Variants in C3orf62 observed in about 807,000 individuals in gnomAD.
The protein encoded by C3orf62 is chromosome 3 open reading frame 62.
Under a neutral mutation model 21.7 loss-of-function variants are expected in C3orf62, and 16 were observed. That is an observed-to-expected ratio of 0.74 (90% CI 0.50 to 1.12). The LOEUF is 1.12. Among genes scored for constraint, C3orf62 ranks in the 50% most tolerant of loss-of-function variants. C3orf62 has a pLI of 0.00. For missense variants in C3orf62, 310 were observed against 318.8 expected (o/e 0.97, Z 0.21); for synonymous variants, 114 against 117.0 (o/e 0.97, Z 0.17).
rs1324932007 is a variant in C3orf62, at chr3:49,274,235, G to A, written c.447-95C>T. The A allele has an allele frequency of 2.2e-5, 20 of 919,892 alleles. No individual in the cohort carries two copies. The East Asian group carries it at 5.1e-4, about 23-fold the overall frequency. The allele number at this position is 919,892 out of a possible 1,614,324, so 57.0% of individuals were successfully genotyped here. ...AAACTCAGTTTTAGATAATCTCAAA[G>A]ACAAAAACTTACTGGTGACCTTGTC... On this transcript the variant is annotated intron_variant, in intron 1 of 2. Coordinates refer to ENST00000343010, the MANE Select transcript of C3orf62 (RefSeq NM_198562.3).
At position 49,276,843 on chromosome 3, in the gene C3orf62, T is replaced by TA. The variant is rs781278603; in HGVS notation, c.29dup (p.Leu10PhefsTer6). Reference sequence around the variant, plus strand: ...TTCTTAGTTTTTCAGACATTTCTCCTAAAAGCGACCATGTCTTTATGTAAT... The same window carrying TA: ...TTCTTAGTTTTTCAGACATTTCTCCTAAAAAGCGACCATGTCTTTATGTAAT... On this transcript the variant is annotated frameshift_variant, in exon 1 of 3. Coordinates refer to ENST00000343010, the MANE Select transcript of C3orf62 (RefSeq NM_198562.3). LOFTEE classifies it high-confidence loss of function. 6.2e-6 allele frequency: 10 copies of TA among 1,611,860 alleles called. No individual in the cohort carries two copies. In the South Asian group the frequency reaches 9.9e-5, roughly 16 times the overall value.
chr3:49,276,385 T>A (rs746479606), intron 1 of C3orf62, 42 bp downstream of exon 1: 1 of 1,555,910 alleles, frequency 6.4e-7, no homozygotes, highest in Non-Finnish European at 8.7e-7. Context: ...GAAACAAGAA[T>A]CCCCTTAATT....
rs1013641800 is a variant in C3orf62, at chr3:49,269,486, G to A, written c.*1694C>T. The stretch of plus-strand genomic sequence containing the variant: ...AGCCTGACATCTCTCCATCCAGACA[G>A]GCTATTCTTCACCTGAGCAGGGGCA... On this transcript the variant is annotated 3_prime_UTR_variant, in exon 3 of 3. Transcript: ENST00000343010. The A allele has an allele frequency of 6.6e-6, 1 of 152,230 alleles. No individual in the cohort carries two copies. The highest frequency in any genetic ancestry group is 1.5e-5 in the Non-Finnish European group (1 of 68,048). The allele number at this position is 152,230 out of a possible 1,614,324, so 9.4% of individuals were successfully genotyped here. A position where few individuals can be genotyped will look rare whatever the true frequency, so the allele number is the denominator to read the frequency against.
In C3orf62 at chr3:49,274,824, C is replaced by A. The variant is rs947757209; in HGVS notation, c.447-684G>T. On this transcript the variant is annotated intron_variant, in intron 1 of 2. Coordinates refer to ENST00000343010, the MANE Select transcript of C3orf62 (RefSeq NM_198562.3). ...TACAGGAGTGAACCACCGCGCCTGG[C>A]CTGTTTGTTTTAAAGACAGAGTCTT... Among the ~76,000 whole-genome samples the A allele has an allele frequency of 4.7e-5, 7 of 147,624 alleles. No individual in the cohort carries two copies. The East Asian group carries it at 1.4e-3, about 30-fold the overall frequency.
chr3:49,269,287 T>C lies in C3orf62; in HGVS notation c.*1893A>G, dbSNP rs966499164. On this transcript the variant is annotated 3_prime_UTR_variant, in exon 3 of 3. Transcript: ENST00000343010. ...GTTTGTGACTTTTCCCTTTCCCTAC[T>C]TTAGTCGTGGGAAGTATCATTAAGT... 2 of 152,174 alleles carry C rather than the reference T, an allele frequency of 1.3e-5. No individual in the cohort carries two copies. The highest frequency in any genetic ancestry group is 2.9e-5 in the Non-Finnish European group (2 of 68,034). 9.4% of individuals were successfully genotyped at this position (152,174 alleles called of 1,614,324 possible).
At chr3:49,275,118 ATTTTT>A (rs34827861) in intron 1 of C3orf62, among the ~76,000 whole-genome samples, 3 of 141,882 alleles carry the variant, frequency 2.1e-5, no homozygotes, top group African/African-American at 7.8e-5. Context: ...TGTGCCCAGC[ATTTTT>A]TTTTTTTTAA....
rs2046906679 is a variant in C3orf62, at chr3:49,270,503, G to T, written c.*677C>A. The stretch of plus-strand genomic sequence containing the variant: ...CCCTACCCAAGTAGCTGGAACTACA[G>T]GCACGAACCACCATGACCAGCTAAA... On this transcript the variant is annotated 3_prime_UTR_variant, in exon 3 of 3. Transcript: ENST00000343010. 6.6e-6 allele frequency: 1 copy of T among 152,122 alleles called. No individual in the cohort carries two copies. The highest frequency in any genetic ancestry group is 1.5e-5 in the Non-Finnish European group (1 of 68,158). The allele number at this position is 152,122 out of a possible 1,614,324, so 9.4% of individuals were successfully genotyped here.
At chr3:49,274,162 G>A in intron 1 of C3orf62, 22 bp from the exon 2 acceptor site, 2 of 1,567,114 alleles carry the variant, frequency 1.3e-6, no homozygotes, top group Non-Finnish European at 8.8e-7. Flanking sequence ...AGGTGGGGGG[G>A]AAGAAAAGGT....
In C3orf62 at chr3:49,276,705, G is replaced by A; in HGVS notation, c.168C>T (p.Phe56=). The change falls in exon 1 of 3, where the codon TTC becomes TTT. Residue 56 remains phenylalanine, a synonymous_variant. Transcript: ENST00000343010. ...RLELSAAPLS[F]SLPVHRLLCR... ...AGAGGAGCCTGTGCACGGGCAGCGA[G>A]AAGGAGAGCGGCGCGGCGCTCAGTT... The A allele has an allele frequency of 6.2e-7, 1 of 1,613,754 alleles. No homozygotes were observed. The highest frequency in any genetic ancestry group is 1.3e-5 in the African/African-American group (1 of 75,042).
rs1036883997 is a variant in C3orf62, at chr3:49,277,003, G to GGCGGTTC, written c.-138_-132dup. On this transcript the variant is annotated 5_prime_UTR_variant, in exon 1 of 3. The change abolishes the stop of an existing upstream ORF in the 5' untranslated region. Coordinates refer to ENST00000343010, the MANE Select transcript of C3orf62 (RefSeq NM_198562.3). ...ACCCTCGGGCTTTCCTCCTGGAGTA[G>GGCGGTTC]GCGGTTCTCGGCTCTCGCGGAGGAA... 4.1e-6 allele frequency: 6 copies of GGCGGTTC among 1,463,524 alleles called. No homozygotes were observed. The highest frequency in any genetic ancestry group is 2.3e-4 in the Middle Eastern group (1 of 4,302). The allele number at this position is 1,463,524 out of a possible 1,614,324, so 90.7% of individuals were successfully genotyped here. A position where few individuals can be genotyped will look rare whatever the true frequency, so the allele number is the denominator to read the frequency against.
rs930962409 is a variant in C3orf62 at position 49,277,021 on chromosome 3, C to G, written c.-149G>C. On this transcript the variant is annotated 5_prime_UTR_variant, in exon 1 of 3. Transcript: ENST00000343010. ...TGGAGTAGGCGGTTCTCGGCTCTCGCGGAGGAACCCGCCATCTGCCAGAAG... is the reference window on the plus strand; with the variant it reads ...TGGAGTAGGCGGTTCTCGGCTCTCGGGGAGGAACCCGCCATCTGCCAGAAG... 4.1e-6 allele frequency: 6 copies of G among 1,461,112 alleles called. No individual in the cohort carries two copies. Among genetic ancestry groups the G allele is most frequent in the Admixed American group, 2.5e-5 (1 of 40,704 alleles). 90.5% of individuals were successfully genotyped at this position (1,461,112 alleles called of 1,614,324 possible). A position where few individuals can be genotyped will look rare whatever the true frequency, so the allele number is the denominator to read the frequency against.
rs1233288648 is a variant in C3orf62, at chr3:49,277,231, G to T, written c.-359C>A. 1.5e-6 allele frequency: 2 copies of T among 1,316,306 alleles called. No individual in the cohort carries two copies. Among genetic ancestry groups the T allele is most frequent in the Non-Finnish European group, 2.0e-6 (2 of 1,006,776 alleles). 81.5% of individuals were successfully genotyped at this position (1,316,306 alleles called of 1,614,324 possible). On this transcript the variant is annotated 5_prime_UTR_variant, in exon 1 of 3. Coordinates refer to ENST00000343010, the MANE Select transcript of C3orf62 (RefSeq NM_198562.3). Reference sequence around the variant, plus strand: ...CCCATCCAACGGTCATCGCATGCGCGTGCCCCGCGCAGGCCCCAAACCCCC... The same window carrying T: ...CCCATCCAACGGTCATCGCATGCGCTTGCCCCGCGCAGGCCCCAAACCCCC...
chr3:49,274,919 A>G (rs1256873236), intron 1 of C3orf62, among the ~76,000 whole-genome samples: 1 of 152,036 alleles, frequency 6.6e-6, no homozygotes, highest in Non-Finnish European at 1.5e-5. Context: ...TCCTGGGTTC[A>G]AGCGATTCTC....
At chr3:49,276,045 C>G (rs2046956427) in intron 1 of C3orf62, among the ~76,000 whole-genome samples, 2 of 152,104 alleles carry the variant, frequency 1.3e-5, no homozygotes, top group African/African-American at 4.8e-5. Context: ...AGGAGGGTAT[C>G]AAAGGCCCCA....
Position 49,276,570 on chromosome 3 carries a change from A to G in C3orf62, c.303T>C (p.Asn101=). The G allele has an allele frequency of 6.2e-7, 1 of 1,614,192 alleles. No individual in the cohort carries two copies. Among genetic ancestry groups the G allele is most frequent in the South Asian group, 1.1e-5 (1 of 91,088 alleles). ...PAFATNHAPV[N]AKPHALCPER... Reference sequence around the variant, plus strand: ...CGGGGCACAGAGCATGTGGTTTTGCATTTACCGGGGCATGGTTTGTTGCAA... The same window carrying G: ...CGGGGCACAGAGCATGTGGTTTTGCGTTTACCGGGGCATGGTTTGTTGCAA... Residue 101 remains asparagine, a synonymous_variant, in exon 1 of 3, where the codon AAT becomes AAC. Coordinates refer to ENST00000343010, the MANE Select transcript of C3orf62 (RefSeq NM_198562.3).
chr3:49,272,618 C>T (rs1235200372), intron 2 of C3orf62, among the ~76,000 whole-genome samples: 2 of 138,274 alleles, frequency 1.4e-5, no homozygotes, highest in African/African-American at 5.4e-5. Flanking sequence ...GATCTCGGCT[C>T]ACTGCAACCT....
At position 49,269,270 on chromosome 3, in the gene C3orf62, CTT is replaced by C. The variant is rs1025121208; in HGVS notation, c.*1908_*1909del. On this transcript the variant is annotated 3_prime_UTR_variant, in exon 3 of 3. Coordinates refer to ENST00000343010, the MANE Select transcript of C3orf62 (RefSeq NM_198562.3). ...AGGCTTCCCCACTATAAGTTTGTGA[CTT>C]TTCCCTTTCCCTACTTTAGTCGTGG... is the stretch of plus-strand genomic sequence containing the variant. 1.3e-5 allele frequency: 2 copies of C among 152,160 alleles called. No homozygotes were observed. Among genetic ancestry groups the C allele is most frequent in the African/African-American group, 4.8e-5 (2 of 41,422 alleles). The allele number at this position is 152,160 out of a possible 1,614,324, so 9.4% of individuals were successfully genotyped here. A position where few individuals can be genotyped will look rare whatever the true frequency, so the allele number is the denominator to read the frequency against.
At chr3:49,275,417 T>G (rs1417374789) in intron 1 of C3orf62, among the ~76,000 whole-genome samples, 3 of 150,754 alleles carry the variant, frequency 2.0e-5, no homozygotes, top group African/African-American at 7.3e-5. Context: ...CCAATATAAA[T>G]ATTTGTGGAG....
rs61749309 is a variant in C3orf62, at chr3:49,276,677, T to G, written c.196A>C (p.Arg66=). ...FSLPVHRLLC[R]RHPLAACSSA... The stretch of plus-strand genomic sequence containing the variant: ...GAGCAGGCTGCCAGAGGATGTCTTC[T>G]GCAGAGGAGCCTGTGCACGGGCAGC... Residue 66 remains arginine (R), a synonymous_variant, in exon 1 of 3, where the codon AGA becomes CGA. Transcript: ENST00000343010. 4 of 1,614,188 alleles carry G rather than the reference T, an allele frequency of 2.5e-6. No individual in the cohort carries two copies. In the East Asian group the frequency reaches 8.9e-5, roughly 36 times the overall value.
Sources: gnomAD v4.1 joint callset for allele counts (sites outside exome capture counted in the v4.1 genomes callset) on GRCh38, gnomAD v4.1.1 for gene constraint, MANE v1.5 for transcripts, NCBI Gene and HGNC (gene_info 2026-07-23, HGNC 2026-07-21) for gene names.